Variants in FAM186A observed in about 807,000 individuals in gnomAD.
FAM186A encodes protein FAM186A.
A neutral mutation model predicts 216.8 loss-of-function variants in FAM186A; 163 were observed. The ratio of observed to expected loss-of-function variants is 0.75; its 90% confidence interval spans 0.66 to 0.86. The LOEUF (loss-of-function observed/expected upper bound fraction) is 0.86. Among genes scored for constraint, FAM186A ranks in the 40% least tolerant of loss-of-function variants. The pLI, the probability that FAM186A is intolerant of heterozygous loss-of-function variation, is 0.00. For missense variants in FAM186A, 2,184 were observed against 2,746.2 expected (o/e 0.80, Z 4.58); for synonymous variants, 805 against 1,025.3 (o/e 0.79, Z 4.10).
At chr12:50,395,084 G>T (rs899300862) in intron 1 of FAM186A, among the ~76,000 whole-genome samples, 1 of 151,802 alleles carries the variant, frequency 6.6e-6, no homozygotes, top group Non-Finnish European at 1.5e-5. Flanking sequence ...CATCAAACAT[G>T]ACTGATTTTT....
At chr12:50,368,435 T>C (rs1300875553) in intron 1 of FAM186A, among the ~76,000 whole-genome samples, 2 of 151,644 alleles carry the variant, frequency 1.3e-5, no homozygotes, top group South Asian at 2.1e-4. Flanking sequence ...ATAATAATAA[T>C]AAATTTAGAA....
In FAM186A at chr12:50,360,920, A is replaced by G. The variant is rs1228307490; in HGVS notation, c.419T>C (p.Val140Ala). Residue 140 changes from valine to alanine, a missense_variant, in exon 3 of 8, where the codon GTT becomes GCT. By Grantham distance (64) the Val-to-Ala change is moderately conservative (BLOSUM62 0). Coordinates refer to ENST00000327337, the MANE Select transcript of FAM186A (RefSeq NM_001145475.3). ...ATCCATTAGAGTCATCTCAGACAAA[A>G]CATCATCTTGAAGAGAGTAAAAAAA... is the stretch of plus-strand genomic sequence containing the variant. ...ILAWLEEWNDVLSEMTLMDVD... is the reference protein window; with the variant it reads ...ILAWLEEWNDALSEMTLMDVD... The G allele has an allele frequency of 3.9e-6, 6 of 1,537,440 alleles. No homozygotes were observed. In the African/African-American group the frequency reaches 8.3e-5, roughly 21 times the overall value.
rs570588737 is a variant in FAM186A at position 50,350,523 on chromosome 12, C to T, written c.6309G>A (p.Lys2103=). The T allele has an allele frequency of 6.4e-7, 1 of 1,551,510 alleles. No homozygotes were observed. The highest frequency in any genetic ancestry group is 1.4e-5 in the African/African-American group (1 of 73,028). ...GAGCCTCCACATCAACAAAATACCTCTTTTCTTCAAGTTCTTGAGGAGAGG... is the reference window on the plus strand; with the variant it reads ...GAGCCTCCACATCAACAAAATACCTTTTTTCTTCAAGTTCTTGAGGAGAGG... The part of the protein sequence containing the change: ...PPSSPQELEE[K]RYFVDVEAQK... Residue 2103 remains lysine, a synonymous_variant, in exon 4 of 8, where the codon AAG becomes AAA. Coordinates refer to ENST00000327337, the MANE Select transcript of FAM186A (RefSeq NM_001145475.3).
At position 50,339,702 on chromosome 12, in the gene FAM186A, C is replaced by T. The variant is rs1942743303; in HGVS notation, c.6504-5599G>A. Among the ~76,000 whole-genome samples the T allele has an allele frequency of 2.6e-5, 4 of 151,378 alleles. No individual in the cohort carries two copies. The South Asian group carries it at 8.3e-4, about 32-fold the overall frequency. ...CAGTCTCATCTCTTACTACATTTTG[C>T]TTTTTCTTTGTGTTCTAAGTATTAG... On this transcript the variant is annotated intron_variant, in intron 4 of 7. Transcript: ENST00000327337.
chr12:50,372,913 A>G (rs1385784985), intron 1 of FAM186A, among the ~76,000 whole-genome samples: 1 of 148,294 alleles, frequency 6.7e-6, no homozygotes, highest in Non-Finnish European at 1.5e-5. Flanking sequence ...AAAAAAAAAA[A>G]AAAAGAAAAA....
intron 1 of FAM186A, among the ~76,000 whole-genome samples, chr12:50,368,636 C>CT (rs1267618904): frequency 3.3e-5 from 5 of 151,656 alleles, no homozygotes; most frequent in Non-Finnish European, 5.9e-5. Flanking sequence ...ATCCCAATGG[C>CT]TTTTTTTTCT....
intron 1 of FAM186A, among the ~76,000 whole-genome samples, chr12:50,388,443 C>A (rs933646133): frequency 6.6e-6 from 1 of 151,402 alleles, no homozygotes; most frequent in Non-Finnish European, 1.5e-5. Flanking sequence ...CACAGTGAAA[C>A]CCCCCTCTCT....
chr12:50,368,633 T>C (rs1169369948), intron 1 of FAM186A, among the ~76,000 whole-genome samples: 8 of 152,074 alleles, frequency 5.3e-5, no homozygotes, highest in East Asian at 1.9e-4. Context: ...AAAATCCCAA[T>C]GGCTTTTTTT....
In FAM186A at chr12:50,353,575, G is replaced by T; in HGVS notation, c.3257C>A (p.Thr1086Lys). The T allele has an allele frequency of 6.5e-7, 1 of 1,527,014 alleles. No homozygotes were observed. Among genetic ancestry groups the T allele is most frequent in the Non-Finnish European group, 8.8e-7 (1 of 1,136,660 alleles). The allele number at this position is 1,527,014 out of a possible 1,614,324, so 94.6% of individuals were successfully genotyped here. ...AGCCTGGGCCTGCTGAGGAGTGAGTGTGATCCCCACTTCCTGGGCCTGCTG... is the reference window on the plus strand; with the variant it reads ...AGCCTGGGCCTGCTGAGGAGTGAGTTTGATCCCCACTTCCTGGGCCTGCTG... ...TPQQAQEVGI[T>K]LTPQQAQAQG... The change falls in exon 4 of 8, where the codon ACA (threonine) becomes AAA (lysine). Residue 1086 changes from threonine to lysine, a missense_variant. By Grantham distance (78) the Thr-to-Lys change is moderately conservative. This residue lies in a region of FAM186A where 1,132 missense variants were observed against 1,263.4 expected (regional missense o/e 0.90). Coordinates refer to ENST00000327337, the MANE Select transcript of FAM186A (RefSeq NM_001145475.3).
Position 50,350,793 on chromosome 12 carries a change from T to C in FAM186A, c.6039A>G (p.Arg2013=). The C allele has an allele frequency of 6.4e-7, 1 of 1,551,664 alleles. No homozygotes were observed. Among genetic ancestry groups the C allele is most frequent in the Non-Finnish European group, 8.7e-7 (1 of 1,146,992 alleles). The change falls in exon 4 of 8, where the codon AGA becomes AGG. Residue 2013 remains arginine, a synonymous_variant. Transcript: ENST00000327337. ...LRDTFAIESF[R]TFQSHFTKYR... ...ATTTGGTGAAATGGGACTGAAATGT[T>C]CTAAATGATTCTATAGCAAAAGTGT...
At chr12:50,394,970 G>A (rs1316505548) in intron 1 of FAM186A, among the ~76,000 whole-genome samples, 1 of 146,724 alleles carries the variant, frequency 6.8e-6, no homozygotes, top group Non-Finnish European at 1.5e-5. Context: ...GCTCAAGTGA[G>A]CCTCTCACCT....
intron 1 of FAM186A, among the ~76,000 whole-genome samples, chr12:50,369,795 C>A (rs1466882233): frequency 2.0e-5 from 3 of 151,938 alleles, no homozygotes. Context: ...TTGAGACCAG[C>A]CTGGCCAACA....
chr12:50,381,987 C>A (rs1256775571), intron 1 of FAM186A, among the ~76,000 whole-genome samples: 1 of 151,844 alleles, frequency 6.6e-6, no homozygotes, highest in Non-Finnish European at 1.5e-5. Context: ...ATGAGGCAAA[C>A]AGAAATCAAG....
chr12:50,358,717 G>A (rs1215486698), intron 3 of FAM186A, among the ~76,000 whole-genome samples: 4 of 152,002 alleles, frequency 2.6e-5, no homozygotes, highest in Non-Finnish European at 5.9e-5. Context: ...GAGGTCAGGA[G>A]TTCAAGATCA....
Position 50,350,342 on chromosome 12 carries a change from T to A in FAM186A, c.6490A>T (p.Ile2164Phe), listed in dbSNP as rs572564606. The A allele has an allele frequency of 1.4e-5, 22 of 1,536,436 alleles. No individual in the cohort carries two copies. The East Asian group carries it at 3.7e-4, about 26-fold the overall frequency. The change falls in exon 4 of 8, where the codon ATC becomes TTC. Residue 2164 changes from isoleucine (I) to phenylalanine (F), a missense_variant. Physicochemically the swap from Ile to Phe is conservative, Grantham distance 21. This residue lies in a region of FAM186A where 721 missense variants were observed against 816.4 expected (regional missense o/e 0.88). Coordinates refer to ENST00000327337, the MANE Select transcript of FAM186A (RefSeq NM_001145475.3). Reference sequence around the variant, plus strand: ...AATTATATCTACCTGGCATGCTGGATCAGCCTATAGGCAATGTACTTGCGG... The same window carrying A: ...AATTATATCTACCTGGCATGCTGGAACAGCCTATAGGCAATGTACTTGCGG... ...LFRKYIAYRL[I>F]QHARNNIMKR...
At chr12:50,373,004 AAAG>A (rs1943159021) in intron 1 of FAM186A, among the ~76,000 whole-genome samples, 1 of 52,216 alleles carries the variant, frequency 1.9e-5, no homozygotes, top group African/African-American at 8.0e-5. Context: ...GGAATGAAAG[AAAG>A]AAAGAAAGAA....
intron 1 of FAM186A, among the ~76,000 whole-genome samples, chr12:50,381,293 G>T (rs1046550720): frequency 1.3e-5 from 2 of 152,180 alleles, no homozygotes; most frequent in African/African-American, 2.4e-5. Context: ...CATTCGGCAG[G>T]TCCCAAGTTC....
At position 50,367,500 on chromosome 12, in the gene FAM186A, G is replaced by A. The variant is rs187856210; in HGVS notation, c.193-4136C>T. 2.6e-4 allele frequency among the ~76,000 whole-genome samples: 30 copies of A among 115,988 alleles called. No individual in the cohort carries two copies. In the East Asian group the frequency reaches 7.3e-3, roughly 28 times the overall value. The allele number at this position is 115,988 out of a possible 152,430, so 76.1% of individuals were successfully genotyped here. The stretch of plus-strand genomic sequence containing the variant: ...CCACTGCACTCCAGCCTGGGAGACA[G>A]AGCGAGACTCTGTCTCAAAAAAAAA... On this transcript the variant is annotated intron_variant, in intron 1 of 7. Transcript: ENST00000327337.
intron 1 of FAM186A, among the ~76,000 whole-genome samples, chr12:50,391,316 A>T (rs1943354929): frequency 6.9e-6 from 1 of 145,900 alleles, no homozygotes; most frequent in African/African-American, 2.5e-5. Context: ...TTTATTTTTT[A>T]TTTTTTATAT....
Sources: gnomAD v4.1 joint callset for allele counts (sites outside exome capture counted in the v4.1 genomes callset) on GRCh38, gnomAD v4.1.1 for gene constraint, gnomAD v4.1.1 regional missense constraint, MANE v1.5 for transcripts, NCBI Gene and HGNC (gene_info 2026-07-23, HGNC 2026-07-21) for gene names.